The following CALN1 variants were observed in gnomAD, a reference collection of about 807,000 sequenced individuals.
The protein encoded by CALN1 is calneuron 1.
CALN1 carries 17 observed loss-of-function variants against 30.6 expected under a neutral mutation model. That is an observed-to-expected ratio of 0.56 (90% confidence interval 0.38 to 0.83). The LOEUF is 0.83. Ranked by LOEUF, CALN1 falls within the 40% of genes least tolerant of loss-of-function variation. The pLI is 0.00. For missense variants in CALN1, 291 were observed against 354.9 expected (o/e 0.82, Z 1.45); for synonymous variants, 156 against 131.4 (o/e 1.19, Z -1.28).
chr7:72,453,176 G>A, the CALN1 span, among the ~76,000 whole-genome samples: 39 of 152,318 alleles, frequency 2.6e-4, 1 homozygote, highest in Non-Finnish European at 4.4e-4. Context: ...GCTTAGGCTG[G>A]GAAGTTTCTT....
intron 5 of CALN1, among the ~76,000 whole-genome samples, chr7:71,861,592 T>C (rs1457884524): frequency 2.0e-5 from 3 of 150,912 alleles, no homozygotes; most frequent in Admixed American, 6.6e-5. Context: ...CATGGTAACA[T>C]AGTGAGACCC....
chr7:71,945,072 A>G (rs1796338772), intron 5 of CALN1, among the ~76,000 whole-genome samples: 1 of 152,164 alleles, frequency 6.6e-6, no homozygotes, highest in African/African-American at 2.4e-5. Flanking sequence ...CCCCACAGTA[A>G]TAAGTAGGTT....
chr7:71,904,586 A>G (rs1229329289), intron 5 of CALN1, among the ~76,000 whole-genome samples: 1 of 152,214 alleles, frequency 6.6e-6, no homozygotes, highest in African/African-American at 2.4e-5. Flanking sequence ...GTGAAAGAAC[A>G]CATAATTACA....
At chr7:72,177,079 G>A (rs1274946664) in intron 3 of CALN1, among the ~76,000 whole-genome samples, 2 of 152,146 alleles carry the variant, frequency 1.3e-5, no homozygotes, top group East Asian at 3.9e-4. Context: ...AAACAGTGAG[G>A]AGGCGGGATG....
chr7:72,359,215 T>C (rs1386413221), intron 2 of CALN1, among the ~76,000 whole-genome samples: 1 of 152,160 alleles, frequency 6.6e-6, no homozygotes. Flanking sequence ...AGCCAGACCA[T>C]GTCAGAGTCA....
At chr7:72,227,915 C>G (rs984632666) in intron 3 of CALN1, among the ~76,000 whole-genome samples, 1 of 151,938 alleles carries the variant, frequency 6.6e-6, no homozygotes, top group African/African-American at 2.4e-5. Flanking sequence ...CTTCCACCAG[C>G]TAGCAAGTAC....
At chr7:72,434,723 A>G (rs1808092014) in intron 1 of CALN1, among the ~76,000 whole-genome samples, 1 of 152,188 alleles carries the variant, frequency 6.6e-6, no homozygotes, top group African/African-American at 2.4e-5. Flanking sequence ...AGGACTAAGG[A>G]CTAAAAGCAT....
rs542151593 is a variant in CALN1 at position 71,858,646 on chromosome 7, C to G, written c.502-48154G>C. 9.9e-5 allele frequency among the ~76,000 whole-genome samples: 15 copies of G among 152,256 alleles called. No individual in the cohort carries two copies. The South Asian group carries it at 3.1e-3, about 32-fold the overall frequency. On this transcript the variant is annotated intron_variant, in intron 5 of 6. Coordinates refer to ENST00000395275, the MANE Select transcript of CALN1 (RefSeq NM_031468.4). ...TATATATCTGATTGCTTCCCCCGCC[C>G]TAATATTTCACTAAGCCCTCCTCTC...
intron 5 of CALN1, among the ~76,000 whole-genome samples, chr7:71,837,241 G>GCCA (rs1464005728): frequency 2.4e-3 from 7 of 2,880 alleles, no homozygotes; most frequent in Non-Finnish European, 3.2e-3. Context: ...CAAAAAAAAA[G>GCCA]ACAAAAAAAA....
At chr7:71,822,896 T>C (rs1788677422) in intron 5 of CALN1, among the ~76,000 whole-genome samples, 1 of 152,224 alleles carries the variant, frequency 6.6e-6, no homozygotes, top group South Asian at 2.1e-4. Context: ...CTCCTGCTAC[T>C]TCATTATATT....
chr7:72,272,706 A>G (rs1797076778), intron 3 of CALN1, among the ~76,000 whole-genome samples: 1 of 152,192 alleles, frequency 6.6e-6, no homozygotes, highest in Non-Finnish European at 1.5e-5. Context: ...AGTGGCACAT[A>G]AGGAAGACTG....
intron 2 of CALN1, among the ~76,000 whole-genome samples, chr7:72,284,726 G>A (rs1022932955): frequency 2.6e-5 from 4 of 152,136 alleles, no homozygotes; most frequent in African/African-American, 9.7e-5. Flanking sequence ...TGGGTCTTCA[G>A]CTTGCTGACA....
intron 3 of CALN1, among the ~76,000 whole-genome samples, chr7:72,200,122 C>A (rs550784527): frequency 6.6e-6 from 1 of 152,046 alleles, no homozygotes; most frequent in African/African-American, 2.4e-5. Context: ...ATGTTGATGC[C>A]CCGACAAATC....
rs993927967 is a variant in CALN1 at position 72,142,487 on chromosome 7, G to A, written c.245-36193C>T. On this transcript the variant is annotated intron_variant, in intron 3 of 6. Coordinates refer to ENST00000395275, the MANE Select transcript of CALN1 (RefSeq NM_031468.4). Reference sequence around the variant, plus strand: ...AAAGTGGCCAGGAAGCTCGAACTGGGTGGATCCCACTGCAGCTCAAGGAGG... The same window carrying A: ...AAAGTGGCCAGGAAGCTCGAACTGGATGGATCCCACTGCAGCTCAAGGAGG... Among the ~76,000 whole-genome samples, 7 of 152,326 alleles carry A rather than the reference G, an allele frequency of 4.6e-5. No individual in the cohort carries two copies. The East Asian group carries it at 1.4e-3, about 29-fold the overall frequency.
intron 5 of CALN1, among the ~76,000 whole-genome samples, chr7:71,921,793 T>C (rs1794958657): frequency 6.6e-6 from 1 of 152,136 alleles, no homozygotes; most frequent in South Asian, 2.1e-4. Context: ...GTCCTTGGCT[T>C]TGAAAACCCT....
the CALN1 span, among the ~76,000 whole-genome samples, chr7:72,477,714 G>T: frequency 1.3e-5 from 2 of 152,044 alleles, no homozygotes; most frequent in Non-Finnish European, 2.9e-5. Flanking sequence ...ATGCCACCAT[G>T]CCTGGATAAT....
At chr7:72,139,418 C>G (rs145334072) in intron 3 of CALN1, among the ~76,000 whole-genome samples, 1 of 150,894 alleles carries the variant, frequency 6.6e-6, no homozygotes, top group Non-Finnish European at 1.5e-5. Flanking sequence ...ACCTCAGCCA[C>G]GCCCACCCTC....
At chr7:72,091,950 A>G (rs950144679) in intron 4 of CALN1, among the ~76,000 whole-genome samples, 2 of 152,208 alleles carry the variant, frequency 1.3e-5, no homozygotes, top group African/African-American at 2.4e-5. Context: ...GATTTAGACT[A>G]TTGACTTCAG....
At chr7:72,194,411 T>A (rs2129547025) in intron 3 of CALN1, among the ~76,000 whole-genome samples, 1 of 152,108 alleles carries the variant, frequency 6.6e-6, no homozygotes, top group Non-Finnish European at 1.5e-5. Flanking sequence ...ATGCGTGTAA[T>A]CCCAGCTACT....
Sources: allele counts gnomAD v4.1 joint callset (sites outside exome capture counted in the v4.1 genomes callset), GRCh38; gene constraint gnomAD v4.1.1; transcripts MANE v1.5; gene names NCBI Gene and HGNC (gene_info 2026-07-23, HGNC 2026-07-21).